The following TNFSF4 variants were observed in gnomAD, a reference collection of about 807,000 sequenced individuals.
The protein encoded by TNFSF4 is tumor necrosis factor ligand superfamily member 4.
TNFSF4 carries 4 observed loss-of-function variants against 7.3 expected under a neutral mutation model. The observed-to-expected ratio is 0.55, with a 90% CI of 0.27 to 1.25. The LOEUF is 1.25. TNFSF4 is among the 50% of genes most tolerant of loss of function. The pLI is 0.12. For missense variants in TNFSF4, 181 were observed against 208.8 expected (o/e 0.87, Z 0.82); for synonymous variants, 76 against 83.7 (o/e 0.91, Z 0.50).
the TNFSF4 span, among the ~76,000 whole-genome samples, chr1:173,273,615 C>T: frequency 2.6e-5 from 4 of 151,794 alleles, no homozygotes; most frequent in South Asian, 4.2e-4. Context: ...CATTAAGCAC[C>T]GTACACCAAA....
At chr1:173,219,515 AATCTCACTACTGGGT>A in the TNFSF4 span, among the ~76,000 whole-genome samples, 3 of 152,228 alleles carry the variant, frequency 2.0e-5, no homozygotes, top group Non-Finnish European at 2.9e-5. Context: ...TTGATCCAAC[AATCTCACTACTGGGT>A]ATCTCCCCAC....
At chr1:173,262,166 C>T in the TNFSF4 span, among the ~76,000 whole-genome samples, 1 of 152,224 alleles carries the variant, frequency 6.6e-6, no homozygotes, top group South Asian at 2.1e-4. Context: ...GGATACAAGG[C>T]TGGTTCAACA....
the TNFSF4 span, among the ~76,000 whole-genome samples, chr1:173,260,157 A>G: frequency 1.3e-5 from 2 of 152,236 alleles, no homozygotes; most frequent in East Asian, 3.9e-4. Context: ...TGGAAACTCT[A>G]CAAGCCAGAA....
chr1:173,354,182 T>C, the TNFSF4 span, among the ~76,000 whole-genome samples: 1 of 151,922 alleles, frequency 6.6e-6, no homozygotes, highest in Non-Finnish European at 1.5e-5. Flanking sequence ...CCCACCGAAA[T>C]TCAAAAACCA....
At chr1:173,272,890 A>G in the TNFSF4 span, among the ~76,000 whole-genome samples, 3 of 152,114 alleles carry the variant, frequency 2.0e-5, no homozygotes, top group East Asian at 1.9e-4. Context: ...GATCTCATTC[A>G]TTTAAAATTC....
chr1:173,188,130 A>T (rs558076688), intron 2 of TNFSF4, among the ~76,000 whole-genome samples: 3 of 152,326 alleles, frequency 2.0e-5, no homozygotes, highest in African/African-American at 7.2e-5. Flanking sequence ...CCCAACTTTC[A>T]TTAAGGTAAA....
At position 173,184,529 on chromosome 1, in the gene TNFSF4, A is replaced by G. The variant is rs925441052; in HGVS notation, c.*1987T>C. 6.6e-6 allele frequency: 1 copy of G among 151,994 alleles called. No individual in the cohort carries two copies. The highest frequency in any genetic ancestry group is 2.4e-5 in the African/African-American group (1 of 41,346). 9.4% of individuals were successfully genotyped at this position (151,994 alleles called of 1,614,324 possible). On this transcript the variant is annotated 3_prime_UTR_variant, in exon 3 of 3. Transcript: ENST00000281834. ...CAAACAACACACACAACATATACTT[A>G]GGCCTGCATGTGCACTGCACATCTG...
chr1:173,316,035 A>C, the TNFSF4 span, among the ~76,000 whole-genome samples: 45 of 152,258 alleles, frequency 3.0e-4, no homozygotes, highest in African/African-American at 1.0e-3. Flanking sequence ...TCCTGCATTT[A>C]AGACTTTAAT....
the TNFSF4 span, among the ~76,000 whole-genome samples, chr1:173,392,747 G>C: frequency 6.6e-6 from 1 of 152,106 alleles, no homozygotes; most frequent in African/African-American, 2.4e-5. Flanking sequence ...AGGCAATTTG[G>C]ATAGAAAACA....
the TNFSF4 span, among the ~76,000 whole-genome samples, chr1:173,295,642 T>A: frequency 2.0e-5 from 3 of 151,978 alleles, no homozygotes; most frequent in African/African-American, 7.2e-5. Flanking sequence ...TGAAGAGAGC[T>A]GACATAAACA....
At chr1:173,244,706 G>A in the TNFSF4 span, among the ~76,000 whole-genome samples, 8 of 151,844 alleles carry the variant, frequency 5.3e-5, no homozygotes, top group South Asian at 1.7e-3. Context: ...AAAAAATTGG[G>A]GGTAGCACAT....
intron 1 of TNFSF4, among the ~76,000 whole-genome samples, chr1:173,191,996 G>A (rs151123521): frequency 0.03 from 4,567 of 152,254 alleles, 119 homozygotes; most frequent in Non-Finnish European, 0.045. Context: ...GGCCAACATG[G>A]CAAAAGCCTG....
At chr1:173,289,314 C>T in the TNFSF4 span, among the ~76,000 whole-genome samples, 1 of 152,048 alleles carries the variant, frequency 6.6e-6, no homozygotes, top group South Asian at 2.1e-4. Flanking sequence ...ACAGCGCTCA[C>T]ATAAGTGAGG....
the TNFSF4 span, among the ~76,000 whole-genome samples, chr1:173,397,539 C>T: frequency 6.6e-6 from 1 of 152,122 alleles, no homozygotes; most frequent in Admixed American, 6.5e-5. Flanking sequence ...GAATTTAGCT[C>T]AGTTCATCTC....
chr1:173,422,640 T>C, the TNFSF4 span, among the ~76,000 whole-genome samples: 1 of 152,200 alleles, frequency 6.6e-6, no homozygotes, highest in East Asian at 1.9e-4. Flanking sequence ...GCTGAGAAGA[T>C]GGCGCATTCC....
chr1:173,300,453 C>T, the TNFSF4 span, among the ~76,000 whole-genome samples: 1 of 151,842 alleles, frequency 6.6e-6, no homozygotes, highest in African/African-American at 2.4e-5. Context: ...CCCTGGGACA[C>T]TCTGTTGCTG....
At chr1:173,230,869 C>T in the TNFSF4 span, among the ~76,000 whole-genome samples, 1 of 152,188 alleles carries the variant, frequency 6.6e-6, no homozygotes, top group Non-Finnish European at 1.5e-5. Context: ...TTCCTGGACA[C>T]ATACACCCTC....
At chr1:173,193,667 T>C (rs1161314424) in intron 1 of TNFSF4, among the ~76,000 whole-genome samples, 1 of 151,770 alleles carries the variant, frequency 6.6e-6, no homozygotes, top group Non-Finnish European at 1.5e-5. Flanking sequence ...AAAGAAGAAG[T>C]TGCCGTACAG....
the TNFSF4 span, among the ~76,000 whole-genome samples, chr1:173,295,693 C>T: frequency 6.6e-6 from 1 of 151,992 alleles, no homozygotes; most frequent in South Asian, 2.1e-4. Context: ...GAAGCTCTGT[C>T]ACTGTGAGCT....
Sources: allele counts gnomAD v4.1 joint callset (sites outside exome capture counted in the v4.1 genomes callset), GRCh38; gene constraint gnomAD v4.1.1; transcripts MANE v1.5; gene names NCBI Gene and HGNC (gene_info 2026-07-23, HGNC 2026-07-21).